Variants in EPHB2 observed in about 807,000 individuals in gnomAD.
The protein encoded by EPHB2 is EPH receptor B2, also known as ephrin type-B receptor 2.
Under a neutral mutation model 96.4 loss-of-function variants are expected in EPHB2, and 18 were observed. The ratio of observed to expected loss-of-function variants is 0.19; its 90% CI spans 0.13 to 0.28. EPHB2 has a LOEUF of 0.28. EPHB2 is among the 10% of genes least tolerant of loss of function. The pLI, the probability that EPHB2 is intolerant of heterozygous loss-of-function variation, is 1.00. For synonymous variants in EPHB2, 506 were observed against 534.1 expected, an observed-to-expected ratio of 0.95 and a Z score of 0.72; for missense variants, 989 against 1,355.4, an observed-to-expected ratio of 0.73 and a Z score of 4.25.
intron 1 of EPHB2, among the ~76,000 whole-genome samples, chr1:22,764,418 C>T (rs1644277629): frequency 6.6e-6 from 1 of 152,108 alleles, no homozygotes; most frequent in Non-Finnish European, 1.5e-5. Flanking sequence ...TCAAGACTTG[C>T]CCTGGGGTAG....
intron 1 of EPHB2, among the ~76,000 whole-genome samples, chr1:22,731,153 T>C (rs1205548940): frequency 6.6e-6 from 1 of 152,194 alleles, no homozygotes; most frequent in Admixed American, 6.5e-5. Context: ...TTCTTTCTAA[T>C]GTAAATTGAT....
chr1:22,828,592 C>T (rs995076372), intron 3 of EPHB2, among the ~76,000 whole-genome samples: 2 of 152,068 alleles, frequency 1.3e-5, no homozygotes, highest in Non-Finnish European at 1.5e-5. Context: ...GGGAAGGTGA[C>T]GAGGTCAGAC....
chr1:22,843,990 T>C (rs1373883751), intron 3 of EPHB2, among the ~76,000 whole-genome samples: 2 of 152,280 alleles, frequency 1.3e-5, no homozygotes, highest in African/African-American at 4.8e-5. Flanking sequence ...GGCTTTTTTA[T>C]GGCTGTGTAG....
chr1:22,867,181 A>G (rs1441287953), intron 5 of EPHB2, among the ~76,000 whole-genome samples: 1 of 152,166 alleles, frequency 6.6e-6, no homozygotes, highest in Non-Finnish European at 1.5e-5. Context: ...GAGCTTGACT[A>G]TGGGTCTGAT....
At chr1:22,853,984 G>A (rs72871522) in intron 3 of EPHB2, among the ~76,000 whole-genome samples, 3,148 of 152,318 alleles carry the variant, frequency 0.021, 96 homozygotes, top group African/African-American at 0.068. Flanking sequence ...GTTCCACAAA[G>A]CCGGGTCCCA....
At chr1:22,726,936 CA>C (rs1311405107) in intron 1 of EPHB2, among the ~76,000 whole-genome samples, 1 of 152,188 alleles carries the variant, frequency 6.6e-6, no homozygotes, top group East Asian at 1.9e-4. Flanking sequence ...GCATTCTTAG[CA>C]GGGGGAACAG....
chr1:22,800,339 G>A (rs1001838950), intron 3 of EPHB2: 1 of 152,312 alleles, frequency 6.6e-6, no homozygotes, highest in African/African-American at 2.4e-5. Flanking sequence ...GCCTGTGTGG[G>A]TGACACTGGA....
chr1:22,791,997 C>A (rs1206821817), intron 3 of EPHB2, among the ~76,000 whole-genome samples: 1 of 152,182 alleles, frequency 6.6e-6, no homozygotes, highest in Non-Finnish European at 1.5e-5. Context: ...TGCTGGCATG[C>A]TCTCCAGCAT....
intron 3 of EPHB2, among the ~76,000 whole-genome samples, chr1:22,797,996 C>T (rs1428141965): frequency 2.0e-5 from 3 of 152,190 alleles, no homozygotes. Flanking sequence ...TCCCTAATCA[C>T]CATCGTCCTA....
intron 1 of EPHB2, among the ~76,000 whole-genome samples, chr1:22,712,198 T>TAGGGA (rs1289565370): frequency 6.6e-6 from 1 of 152,204 alleles, no homozygotes; most frequent in Non-Finnish European, 1.5e-5. Flanking sequence ...GTAGGTATGA[T>TAGGGA]TCCTACTTCT....
intron 1 of EPHB2, among the ~76,000 whole-genome samples, chr1:22,749,165 C>A (rs1428236805): frequency 6.6e-6 from 1 of 151,850 alleles, no homozygotes; most frequent in Non-Finnish European, 1.5e-5. Flanking sequence ...GGACTACAGG[C>A]AGGTGCCACC....
At chr1:22,863,363 C>G in intron 4 of EPHB2, 171 bp downstream of exon 4, 1 of 1,004,144 alleles carries the variant, frequency 1.0e-6, no homozygotes, top group Non-Finnish European at 1.5e-6. Context: ...CATGCTCCCA[C>G]CTTGCAGACA....
intron 8 of EPHB2, 115 bp from the exon 9 acceptor site, chr1:22,896,299 C>T (rs1031964608): frequency 3.7e-6 from 5 of 1,364,580 alleles, no homozygotes; most frequent in Admixed American, 3.7e-5. Flanking sequence ...GCAGGGAGCC[C>T]TCTGGCAGGG....
At chr1:22,904,313 T>TA (rs34057025) in intron 9 of EPHB2, among the ~76,000 whole-genome samples, 87,869 of 149,088 alleles carry the variant, frequency 0.59, 26,829 homozygotes, top group African/African-American at 0.74. Flanking sequence ...AAAAATTAAT[T>TA]AAAAAAAATC....
chr1:22,833,814 A>G (rs1326926449), intron 3 of EPHB2, among the ~76,000 whole-genome samples: 2 of 152,236 alleles, frequency 1.3e-5, no homozygotes, highest in African/African-American at 4.8e-5. Context: ...TGGATGAGGA[A>G]AAACAGTACA....
rs1406743374 is a variant in EPHB2, at chr1:22,860,855, G to A, written c.812-2182G>A. Among the ~76,000 whole-genome samples the A allele has an allele frequency of 6.6e-6, 1 of 152,100 alleles. No individual in the cohort carries two copies. The highest frequency in any genetic ancestry group is 1.5e-5 in the Non-Finnish European group (1 of 68,028). The stretch of plus-strand genomic sequence containing the variant: ...CATGTCCTGACTGCCCAGAAGCTCT[G>A]GGCAGTGCCAAGATGGTGAGGCTGC... On this transcript the variant is annotated intron_variant, in intron 3 of 15. Transcript: ENST00000374630. The surrounding 1 kb of genome is among the most constrained non-coding windows in gnomAD (Gnocchi z 4.6).
At position 22,790,948 on chromosome 1, in the gene EPHB2, C is replaced by T. The variant is rs1270747729; in HGVS notation, c.811+5872C>T. 6.6e-6 allele frequency among the ~76,000 whole-genome samples: 1 copy of T among 152,206 alleles called. No homozygotes were observed. The highest frequency in any genetic ancestry group is 1.5e-5 in the Non-Finnish European group (1 of 68,048). On this transcript the variant is annotated intron_variant, in intron 3 of 15. Coordinates refer to ENST00000374630, the MANE Select transcript of EPHB2 (RefSeq NM_017449.5). The surrounding 1 kb of genome is among the most constrained non-coding windows in gnomAD (Gnocchi z 4.0). ...TGTGCAGCCCCTGCTCTCTCCCCAG[C>T]TCATGGCCTCTCCTTGACCTTGGCT... is the stretch of plus-strand genomic sequence containing the variant.
At chr1:22,772,743 A>G (rs1337145588) in intron 1 of EPHB2, among the ~76,000 whole-genome samples, 1 of 152,144 alleles carries the variant, frequency 6.6e-6, no homozygotes, top group Non-Finnish European at 1.5e-5. Flanking sequence ...CAGATCTCTG[A>G]GCCTCTGCAG....
chr1:22,739,218 T>G (rs191764611), intron 1 of EPHB2, among the ~76,000 whole-genome samples: 2 of 152,058 alleles, frequency 1.3e-5, no homozygotes, highest in African/African-American at 4.8e-5. Context: ...TTCTTTTTGT[T>G]TTTTTTCTTT....
Sources: allele counts gnomAD v4.1 joint callset (sites outside exome capture counted in the v4.1 genomes callset), GRCh38; gene constraint gnomAD v4.1.1; non-coding constraint Gnocchi (gnomAD v3.1); transcripts MANE v1.5; gene names NCBI Gene and HGNC (gene_info 2026-07-23, HGNC 2026-07-21).